Variants in COLEC10 observed in about 807,000 individuals in gnomAD.
COLEC10 encodes collectin subfamily member 10.
A neutral mutation model predicts 28.4 loss-of-function variants in COLEC10; 22 were observed. The observed-to-expected ratio is 0.78, with a 90% confidence interval of 0.55 to 1.11. The LOEUF is 1.11. Ranked by LOEUF, COLEC10 falls within the 50% of genes least tolerant of loss-of-function variation. The pLI is 0.00. For missense variants in COLEC10, 361 were observed against 344.1 expected (o/e 1.05, Z -0.39); for synonymous variants, 125 against 116.1 (o/e 1.08, Z -0.49).
intron 2 of COLEC10, among the ~76,000 whole-genome samples, chr8:119,060,438 C>T (rs1384990838): frequency 6.6e-5 from 10 of 152,064 alleles, no homozygotes; most frequent in East Asian, 1.9e-4. Context: ...TGAGCAATTA[C>T]GGCTATTGAT....
chr8:118,962,451 G>A, the COLEC10 span, among the ~76,000 whole-genome samples: 4,450 of 152,172 alleles, frequency 0.029, 130 homozygotes, highest in East Asian at 0.17. Flanking sequence ...CTTTATTGAG[G>A]TATAATTGAT....
intron 2 of COLEC10, among the ~76,000 whole-genome samples, chr8:119,054,487 G>C (rs1188647704): frequency 6.6e-6 from 1 of 152,072 alleles, no homozygotes; most frequent in Non-Finnish European, 1.5e-5. Flanking sequence ...AAGAGATAAA[G>C]AGTCACTTAG....
In COLEC10 at chr8:119,067,303, C is replaced by T. The variant is rs979455476; in HGVS notation, c.22C>T (p.Leu8Phe). The T allele has an allele frequency of 1.2e-6, 2 of 1,613,804 alleles. No individual in the cohort carries two copies. The highest frequency in any genetic ancestry group is 1.7e-6 in the Non-Finnish European group (2 of 1,179,888). ...AGCAATGAATGGCTTTGCATCCTTG[C>T]TTCGAAGAAACCAATTTATCCTCCT... MNGFASL[L>F]RRNQFILLVL... The change falls in exon 1 of 6, where the codon CTT (leucine) becomes TTT (phenylalanine). Residue 8 changes from leucine to phenylalanine, a missense_variant. Coordinates refer to ENST00000332843, the MANE Select transcript of COLEC10 (RefSeq NM_006438.5).
At chr8:119,040,596 C>G (rs1158380051) in intron 2 of COLEC10, among the ~76,000 whole-genome samples, 1 of 152,122 alleles carries the variant, frequency 6.6e-6, no homozygotes, top group Admixed American at 6.6e-5. Flanking sequence ...CTGTTGAAAT[C>G]CATAATGAAA....
At chr8:119,102,514 T>C (rs1199868740) in intron 4 of COLEC10, 113 bp downstream of exon 4, 9 of 873,960 alleles carry the variant, frequency 1.0e-5, no homozygotes, top group Non-Finnish European at 1.4e-5. Flanking sequence ...TGCTTAACCT[T>C]ATTTTCCTCA....
At chr8:119,056,326 A>G (rs1814760684) in intron 2 of COLEC10, among the ~76,000 whole-genome samples, 1 of 152,080 alleles carries the variant, frequency 6.6e-6, no homozygotes, top group Non-Finnish European at 1.5e-5. Flanking sequence ...CCTTGCTGCT[A>G]GCATAGGACA....
chr8:119,073,395 A>C (rs956911059), intron 1 of COLEC10, among the ~76,000 whole-genome samples: 1 of 58,150 alleles, frequency 1.7e-5, no homozygotes, highest in Non-Finnish European at 5.0e-5. Context: ...AGTCACCTTG[A>C]TGCAAGTTAA....
intron 1 of COLEC10, among the ~76,000 whole-genome samples, chr8:118,996,105 G>A (rs1383539613): frequency 6.6e-6 from 1 of 152,122 alleles, no homozygotes; most frequent in Non-Finnish European, 1.5e-5. Context: ...GACTGTTTTA[G>A]ATAACTCACA....
chr8:119,076,119 G>A (rs1256024908), intron 1 of COLEC10, among the ~76,000 whole-genome samples: 1 of 138,134 alleles, frequency 7.2e-6, no homozygotes, highest in Non-Finnish European at 1.5e-5. Context: ...CACCATGTTA[G>A]CCAGGACAGT....
At chr8:119,018,794 A>C (rs1814037764) in intron 2 of COLEC10, among the ~76,000 whole-genome samples, 1 of 152,160 alleles carries the variant, frequency 6.6e-6, no homozygotes. Context: ...TCCCTTTAGC[A>C]TGGAGATTAT....
chr8:119,073,109 C>T (rs1326254844), intron 1 of COLEC10, among the ~76,000 whole-genome samples: 1 of 152,222 alleles, frequency 6.6e-6, no homozygotes, highest in Non-Finnish European at 1.5e-5. Flanking sequence ...TTTGGTTTAA[C>T]TCCAGTTACT....
At chr8:119,088,625 C>A (rs1429350499) in intron 1 of COLEC10, among the ~76,000 whole-genome samples, 1 of 152,182 alleles carries the variant, frequency 6.6e-6, no homozygotes, top group African/African-American at 2.4e-5. Flanking sequence ...ATGGACAGGG[C>A]TCTTTCATGC....
chr8:119,058,879 C>CA (rs570714297), intron 2 of COLEC10, among the ~76,000 whole-genome samples: 1 of 151,868 alleles, frequency 6.6e-6, no homozygotes, highest in Non-Finnish European at 1.5e-5. Flanking sequence ...ACATCCATAC[C>CA]AAAAATGAAT....
intron 2 of COLEC10, among the ~76,000 whole-genome samples, chr8:119,050,130 T>G (rs1814652030): frequency 6.6e-6 from 1 of 152,214 alleles, no homozygotes; most frequent in South Asian, 2.1e-4. Context: ...GTAAAGTACT[T>G]GCAACATGAA....
chr8:119,063,054 T>C (rs983207320), upstream of COLEC10: 4 of 152,216 alleles, frequency 2.6e-5, no homozygotes, highest in African/African-American at 9.6e-5. Flanking sequence ...ATTGTACTGT[T>C]ATGCTGTTTT....
At chr8:119,071,379 CT>C (rs1030155920) in intron 1 of COLEC10, among the ~76,000 whole-genome samples, 17 of 152,240 alleles carry the variant, frequency 1.1e-4, no homozygotes, top group African/African-American at 4.1e-4. Flanking sequence ...CTCTCAGCTT[CT>C]CCCATATCAT....
At chr8:119,102,741 C>T (rs1352540410) in intron 4 of COLEC10, 1 of 230,560 alleles carries the variant, frequency 4.3e-6, no homozygotes, top group African/African-American at 2.3e-5. Flanking sequence ...ACTAGCATCT[C>T]AACCAAATAC....
chr8:119,070,398 A>G (rs974471650), intron 1 of COLEC10, among the ~76,000 whole-genome samples: 2 of 151,544 alleles, frequency 1.3e-5, no homozygotes, highest in African/African-American at 4.9e-5. Context: ...TCTATGCCTT[A>G]AACTTATCAT....
intron 3 of COLEC10, among the ~76,000 whole-genome samples, chr8:119,099,132 T>G (rs185007739): frequency 2.6e-5 from 4 of 152,192 alleles, no homozygotes; most frequent in Admixed American, 2.6e-4. Context: ...ATTATGATTT[T>G]TTTGTTTGTT....
Sources: gnomAD v4.1 joint callset for allele counts (sites outside exome capture counted in the v4.1 genomes callset) on GRCh38, gnomAD v4.1.1 for gene constraint, MANE v1.5 for transcripts, NCBI Gene and HGNC (gene_info 2026-07-23, HGNC 2026-07-21) for gene names.